Variants in TMEM164 observed in about 807,000 individuals in gnomAD.
TMEM164 encodes RP13-360B22.2.
In TMEM164, 4 loss-of-function variants were observed where a neutral mutation model predicts 18.8. The ratio of observed to expected loss-of-function variants is 0.21; its 90% CI spans 0.10 to 0.49. The LOEUF is 0.49. TMEM164 is among the 20% of genes least tolerant of loss of function. TMEM164 has a pLI of 0.98. For missense variants in TMEM164, 108 were observed against 239.9 expected (o/e 0.45, Z 3.63); for synonymous variants, 86 against 101.7 (o/e 0.85, Z 0.93).
At chrX:110,049,825 G>A (rs1387920215) in intron 2 of TMEM164, among the ~76,000 whole-genome samples, 1 of 111,327 alleles carries the variant, frequency 9.0e-6, no homozygotes, top group African/African-American at 3.3e-5. Context: ...TGGGTGGAGA[G>A]GATGACATTC....
intron 5 of TMEM164, among the ~76,000 whole-genome samples, chrX:110,149,791 C>A (rs1470796507): frequency 8.9e-6 from 1 of 112,180 alleles, no homozygotes; most frequent in East Asian, 2.8e-4. Flanking sequence ...CTGTCTGTGT[C>A]AAACTCATTA....
chrX:110,130,183 A>G (rs1049314471), intron 4 of TMEM164, among the ~76,000 whole-genome samples: 19 of 112,050 alleles, frequency 1.7e-4, no homozygotes, highest in Non-Finnish European at 3.0e-4. Flanking sequence ...AGAATAGCTC[A>G]ATAGCAGGAG....
intron 2 of TMEM164, among the ~76,000 whole-genome samples, chrX:110,011,045 T>TA (rs1285771632): frequency 6.2e-5 from 7 of 112,030 alleles, no homozygotes; most frequent in African/African-American, 2.3e-4. Context: ...TAGATGTTCG[T>TA]GGGAGTTTAT....
chrX:110,093,328 T>C (rs1201332215), intron 3 of TMEM164, among the ~76,000 whole-genome samples: 1 of 111,963 alleles, frequency 8.9e-6, no homozygotes, highest in Non-Finnish European at 1.9e-5. Flanking sequence ...CTGGACTTTT[T>C]TTGTTTGATA....
At chrX:110,055,598 G>T (rs1935789023) in intron 2 of TMEM164, among the ~76,000 whole-genome samples, 1 of 111,779 alleles carries the variant, frequency 8.9e-6, no homozygotes, top group Admixed American at 9.5e-5. Flanking sequence ...CTCTGTAAAT[G>T]AGAGCCATCA....
intron 3 of TMEM164, among the ~76,000 whole-genome samples, chrX:110,102,029 A>G (rs1349052631): frequency 9.3e-6 from 1 of 107,880 alleles, no homozygotes; most frequent in African/African-American, 3.4e-5. Context: ...CTTTTTGCCT[A>G]ATATAAGAAT....
intron 2 of TMEM164, among the ~76,000 whole-genome samples, chrX:110,066,212 A>T (rs1442382221): frequency 1.8e-5 from 2 of 111,575 alleles, no homozygotes; most frequent in Non-Finnish European, 3.8e-5. Context: ...CTCCGAGAGA[A>T]CAGAAGAACC....
intron 4 of TMEM164, among the ~76,000 whole-genome samples, chrX:110,116,851 T>C (rs200901189): frequency 0.036 from 3,515 of 98,681 alleles, 58 homozygotes; most frequent in East Asian, 0.092. Flanking sequence ...TGTGTGTGTG[T>C]GCGCGTGTGC....
At chrX:110,145,039 G>A (rs1158253201) in intron 5 of TMEM164, among the ~76,000 whole-genome samples, 163 bp downstream of exon 5, 1 of 111,121 alleles carries the variant, frequency 9.0e-6, no homozygotes, top group African/African-American at 3.3e-5. Context: ...GGGGAGATGG[G>A]AATGGACGAG....
intron 3 of TMEM164, among the ~76,000 whole-genome samples, chrX:110,076,946 A>G (rs767987118): frequency 8.9e-6 from 1 of 111,996 alleles, no homozygotes; most frequent in African/African-American, 3.2e-5. Flanking sequence ...TGTTGGGTGG[A>G]GTGTTCTGTA....
intron 5 of TMEM164, among the ~76,000 whole-genome samples, chrX:110,153,520 C>A (rs1199111193): frequency 9.0e-6 from 1 of 111,430 alleles, no homozygotes; most frequent in Non-Finnish European, 1.9e-5. Flanking sequence ...ATAATCACAT[C>A]TTTATGTCCA....
At chrX:110,120,308 T>C (rs762874545) in intron 4 of TMEM164, among the ~76,000 whole-genome samples, 2 of 111,850 alleles carry the variant, frequency 1.8e-5, no homozygotes, top group African/African-American at 6.5e-5. Flanking sequence ...GTCTCCACCT[T>C]GAGCCACTAC....
chrX:110,074,114 G>A (rs930449755), intron 3 of TMEM164, among the ~76,000 whole-genome samples: 5 of 111,034 alleles, frequency 4.5e-5, no homozygotes. Flanking sequence ...CTGACCTCAG[G>A]TGAACTGCCC....
At chrX:110,121,677 G>C (rs1304814138) in intron 4 of TMEM164, among the ~76,000 whole-genome samples, 1 of 112,219 alleles carries the variant, frequency 8.9e-6, no homozygotes, top group Non-Finnish European at 1.9e-5. Flanking sequence ...AAAGCTATCT[G>C]TTTGTCTGCT....
chrX:110,096,244 G>A (rs776542322), intron 3 of TMEM164, among the ~76,000 whole-genome samples: 64 of 112,865 alleles, frequency 5.7e-4, no homozygotes, highest in Non-Finnish European at 2.4e-4. Flanking sequence ...GTCTGCAGAA[G>A]TTTCTGCTGC....
At chrX:110,077,266 A>T (rs766256780) in intron 3 of TMEM164, among the ~76,000 whole-genome samples, 16 of 111,635 alleles carry the variant, frequency 1.4e-4, no homozygotes, top group African/African-American at 5.2e-4. Context: ...CTGGTATAAG[A>T]ATTATCGACC....
chrX:110,143,301 C>A (rs985630043), intron 4 of TMEM164, among the ~76,000 whole-genome samples: 6 of 111,690 alleles, frequency 5.4e-5, no homozygotes, highest in African/African-American at 2.0e-4. Flanking sequence ...TAAAGCAGTA[C>A]CTAAATTTAA....
intron 2 of TMEM164, among the ~76,000 whole-genome samples, chrX:110,051,593 A>AAAAG (rs367718317): frequency 0.43 from 43,728 of 102,791 alleles, 8,831 homozygotes; most frequent in Non-Finnish European, 0.58. Context: ...CAAAAAAAAA[A>AAAAG]AAAGAAAGAA....
chrX:110,177,894 A>T (rs1178275353), downstream of TMEM164: 2 of 112,477 alleles, frequency 1.8e-5, no homozygotes, highest in African/African-American at 6.5e-5. Context: ...AGACCCTCAA[A>T]GGACAGCTGG....
Sources: gnomAD v4.1 joint callset for allele counts (sites outside exome capture counted in the v4.1 genomes callset) on GRCh38, gnomAD v4.1.1 for gene constraint, MANE v1.5 for transcripts, NCBI Gene and HGNC (gene_info 2026-07-23, HGNC 2026-07-21) for gene names.